AUH: variants seen among roughly 807,000 people sequenced by gnomAD.
The protein encoded by AUH is AU RNA binding methylglutaconyl-CoA hydratase.
AUH carries 29 observed loss-of-function variants against 42.3 expected under a neutral mutation model. The observed-to-expected ratio is 0.69, with a 90% CI of 0.51 to 0.93. The LOEUF is 0.93. AUH is among the 40% of genes least tolerant of loss of function. The pLI, the probability that AUH is intolerant of heterozygous loss-of-function variation, is 0.00. For missense variants in AUH, 452 were observed against 438.1 expected, an observed-to-expected ratio of 1.03 and a Z score of -0.28; for synonymous variants, 174 against 166.4, an observed-to-expected ratio of 1.05 and a Z score of -0.35.
intron 4 of AUH, 74 bp from the exon 5 acceptor site, chr9:91,298,150 T>A: frequency 8.2e-7 from 1 of 1,224,882 alleles, no homozygotes; most frequent in South Asian, 1.2e-5. Flanking sequence ...TTTAATTTTT[T>A]TCTGTGAATT....
intron 6 of AUH, among the ~76,000 whole-genome samples, chr9:91,223,964 G>A (rs76724931): frequency 0.021 from 3,219 of 152,208 alleles, 53 homozygotes; most frequent in Non-Finnish European, 0.034. Flanking sequence ...ATGACTCCTT[G>A]CCCCTCCCTA....
chr9:91,247,090 C>T (rs994862363), intron 6 of AUH, among the ~76,000 whole-genome samples: 3 of 152,212 alleles, frequency 2.0e-5, no homozygotes, highest in African/African-American at 7.2e-5. Flanking sequence ...AGCCTCCTCC[C>T]ACTGCTGCAA....
chr9:91,336,055 T>A (rs1830663262), intron 3 of AUH, among the ~76,000 whole-genome samples: 1 of 152,202 alleles, frequency 6.6e-6, no homozygotes, highest in South Asian at 2.1e-4. Flanking sequence ...CTGGGGCCAA[T>A]GGACTCCTTA....
At chr9:91,329,929 G>A (rs1202256681) in intron 3 of AUH, among the ~76,000 whole-genome samples, 4 of 151,964 alleles carry the variant, frequency 2.6e-5, no homozygotes, top group Non-Finnish European at 5.9e-5. Flanking sequence ...TTCCTCCCAG[G>A]GACCAAGAAA....
chr9:91,304,577 T>C (rs553574925), intron 4 of AUH, among the ~76,000 whole-genome samples: 4 of 152,268 alleles, frequency 2.6e-5, no homozygotes, highest in African/African-American at 9.6e-5. Flanking sequence ...CTAAAGCTTA[T>C]AGGAAATATA....
In AUH at chr9:91,303,965, T is replaced by A. The variant is rs1018539227; in HGVS notation, c.506-5889A>T. ...CCCTGGAGGCCCACACCAGGGTCAT[T>A]GCTGCAAACATAATACCACAGGTGA... On this transcript the variant is annotated intron_variant, in intron 4 of 9. Transcript: ENST00000375731. 2.6e-5 allele frequency among the ~76,000 whole-genome samples: 4 copies of A among 152,256 alleles called. No homozygotes were observed. In the East Asian group the frequency reaches 7.7e-4, roughly 29 times the overall value.
chr9:91,341,648 C>T (rs1831110989), intron 3 of AUH, among the ~76,000 whole-genome samples: 1 of 152,182 alleles, frequency 6.6e-6, no homozygotes, highest in Admixed American at 6.5e-5. Flanking sequence ...AAATGGTTCA[C>T]AGTCATCCCA....
chr9:91,246,345 A>T (rs191358700), intron 6 of AUH, among the ~76,000 whole-genome samples: 1 of 152,232 alleles, frequency 6.6e-6, no homozygotes, highest in East Asian at 1.9e-4. Context: ...CAGCCTCCCC[A>T]CTCCTCAAAG....
chr9:91,293,137 C>T (rs1225146544), intron 6 of AUH, among the ~76,000 whole-genome samples: 1 of 152,136 alleles, frequency 6.6e-6, no homozygotes, highest in Non-Finnish European at 1.5e-5. Flanking sequence ...CTCTCCCTTT[C>T]CTTGGGTCTC....
chr9:91,325,106 A>C (rs751894741), intron 4 of AUH, among the ~76,000 whole-genome samples: 1 of 152,102 alleles, frequency 6.6e-6, no homozygotes, highest in Non-Finnish European at 1.5e-5. Flanking sequence ...AAATACCTTC[A>C]TATTTTATCA....
rs1290570025 is a variant in AUH at position 91,277,475 on chromosome 9, T to TC, written c.655+18545_655+18546insG. Among the ~76,000 whole-genome samples, 3 of 145,972 alleles carry TC rather than the reference T, an allele frequency of 2.1e-5. 1 individual carries two copies. The East Asian group carries it at 9.4e-4, about 46-fold the overall frequency. ...AGAAGGTTTTATGGTAAAACAGAAG[T>TC]TTTTTGTAAGAGTTGTAAGTGAAAA... On this transcript the variant is annotated intron_variant, in intron 6 of 9. Coordinates refer to ENST00000375731, the MANE Select transcript of AUH (RefSeq NM_001698.3).
At chr9:91,336,869 G>A (rs1013103223) in intron 3 of AUH, among the ~76,000 whole-genome samples, 4 of 152,108 alleles carry the variant, frequency 2.6e-5, no homozygotes, top group Non-Finnish European at 5.9e-5. Context: ...TTAATTTAAA[G>A]AGGACAGCCA....
chr9:91,295,222 A>C (rs529033945), intron 6 of AUH, among the ~76,000 whole-genome samples: 1 of 152,268 alleles, frequency 6.6e-6, no homozygotes, highest in African/African-American at 2.4e-5. Context: ...GAGTCCATTA[A>C]ACCTCTTTCC....
rs1486515920 is a variant in AUH, at chr9:91,361,906, G to T, written c.-17C>A. 7.1e-7 allele frequency: 1 copy of T among 1,410,264 alleles called. No homozygotes were observed. Among genetic ancestry groups the T allele is most frequent in the South Asian group, 1.5e-5 (1 of 66,350 alleles). 87.4% of individuals were successfully genotyped at this position (1,410,264 alleles called of 1,614,324 possible). A position where few individuals can be genotyped will look rare whatever the true frequency, so the allele number is the denominator to read the frequency against. ...GGCCGCCATGTTGTCTGTTTACGGC[G>T]TGGACCTGCGACGGCCGCTCCGCCC... On this transcript the variant is annotated 5_prime_UTR_variant, in exon 1 of 10. Coordinates refer to ENST00000375731, the MANE Select transcript of AUH (RefSeq NM_001698.3).
At chr9:91,349,906 G>A (rs751791443) in intron 3 of AUH, among the ~76,000 whole-genome samples, 19 of 152,172 alleles carry the variant, frequency 1.2e-4, no homozygotes, top group Non-Finnish European at 2.6e-4. Flanking sequence ...GAACCCAGAA[G>A]TGGTGTTCTA....
intron 6 of AUH, among the ~76,000 whole-genome samples, chr9:91,249,045 C>T (rs1362788433): frequency 7.9e-5 from 12 of 152,126 alleles, no homozygotes; most frequent in Admixed American, 4.6e-4. Context: ...ACCTGTAATG[C>T]CAGCACTCTG....
rs573750300 is a variant in AUH, at chr9:91,348,091, A to C, written c.418+7792T>G. Among the ~76,000 whole-genome samples, 10 of 152,106 alleles carry C rather than the reference A, an allele frequency of 6.6e-5. No homozygotes were observed. The South Asian group carries it at 1.2e-3, about 19-fold the overall frequency. On this transcript the variant is annotated intron_variant, in intron 3 of 9. Coordinates refer to ENST00000375731, the MANE Select transcript of AUH (RefSeq NM_001698.3). ...GAATATAAAAAAAAACAAAAAAAAA[A>C]CCTTACAACTCAATGAGATGAGATT...
At chr9:91,238,691 AT>A (rs938719679) in intron 6 of AUH, among the ~76,000 whole-genome samples, 1 of 152,210 alleles carries the variant, frequency 6.6e-6, no homozygotes, top group African/African-American at 2.4e-5. Flanking sequence ...GACATCAAGA[AT>A]TTTTCTCCCT....
At chr9:91,350,094 ACTGT>A (rs970187227) in intron 3 of AUH, among the ~76,000 whole-genome samples, 2 of 152,230 alleles carry the variant, frequency 1.3e-5, no homozygotes, top group Non-Finnish European at 2.9e-5. Flanking sequence ...TATGGGAAAC[ACTGT>A]CTGTATCTGT....
Sources: gnomAD v4.1 joint callset for allele counts (sites outside exome capture counted in the v4.1 genomes callset) on GRCh38, gnomAD v4.1.1 for gene constraint, MANE v1.5 for transcripts, NCBI Gene and HGNC (gene_info 2026-07-23, HGNC 2026-07-21) for gene names.